The following MYT1L variants were observed in gnomAD, a reference collection of about 807,000 sequenced individuals.
MYT1L encodes the protein myelin transcription factor 1-like protein.
A neutral mutation model predicts 126.7 loss-of-function variants in MYT1L; 12 were observed. That is an observed-to-expected ratio of 0.09 (90% confidence interval 0.06 to 0.15). The LOEUF is 0.15. MYT1L is among the 10% of genes least tolerant of loss of function. MYT1L has a pLI of 1.00. For missense variants in MYT1L, 979 were observed against 1,585.2 expected (o/e 0.62, Z 6.49); for synonymous variants, 541 against 604.2 (o/e 0.90, Z 1.53).
At chr2:2,314,146 C>A (rs1261717561) in intron 1 of MYT1L, among the ~76,000 whole-genome samples, 9 of 152,124 alleles carry the variant, frequency 5.9e-5, no homozygotes, top group Admixed American at 5.9e-4. Flanking sequence ...AACCAATAAA[C>A]TTCTGGACTG....
intron 22 of MYT1L, among the ~76,000 whole-genome samples, chr2:1,805,439 G>A (rs1422387467): frequency 6.6e-6 from 1 of 152,202 alleles, no homozygotes; most frequent in Non-Finnish European, 1.5e-5. Flanking sequence ...CCCCAGGAAA[G>A]GCTTTACACT....
chr2:2,115,436 A>C (rs1335229882), intron 3 of MYT1L, among the ~76,000 whole-genome samples: 1 of 152,218 alleles, frequency 6.6e-6, no homozygotes, highest in Non-Finnish European at 1.5e-5. Context: ...CGTTTTTATA[A>C]ATCCATGAGA....
At chr2:2,140,970 A>C (rs2083894045) in intron 3 of MYT1L, among the ~76,000 whole-genome samples, 1 of 152,216 alleles carries the variant, frequency 6.6e-6, no homozygotes, top group Admixed American at 6.5e-5. Flanking sequence ...AAAACTATAT[A>C]ATCATAGAAA....
At chr2:2,270,997 G>A (rs2095252670) in intron 2 of MYT1L, among the ~76,000 whole-genome samples, 1 of 152,214 alleles carries the variant, frequency 6.6e-6, no homozygotes, top group African/African-American at 2.4e-5. Context: ...GTGGTTGCGT[G>A]TTCTTCGCTT....
At chr2:2,313,689 G>T (rs2096014227) in intron 1 of MYT1L, among the ~76,000 whole-genome samples, 1 of 151,834 alleles carries the variant, frequency 6.6e-6, no homozygotes, top group South Asian at 2.1e-4. Context: ...ATACTGTCTT[G>T]GTCTTCTCCT....
chr2:1,841,162 C>CTTTTTTTT, intron 19 of MYT1L: 1 of 86,126 alleles, frequency 1.2e-5, no homozygotes, highest in South Asian at 3.3e-4. Context: ...ACCTCGGCCT[C>CTTTTTTTT]TTTTTTTTTT....
At chr2:1,845,762 G>A (rs1407899675) in intron 19 of MYT1L, among the ~76,000 whole-genome samples, 1 of 152,138 alleles carries the variant, frequency 6.6e-6, no homozygotes, top group East Asian at 1.9e-4. Flanking sequence ...GAATTCAACG[G>A]GACTCCTAAA....
At chr2:2,172,388 A>G (rs1158495200) in intron 3 of MYT1L, among the ~76,000 whole-genome samples, 1 of 152,226 alleles carries the variant, frequency 6.6e-6, no homozygotes, top group African/African-American at 2.4e-5. Flanking sequence ...GGAGGCTCAC[A>G]TCATTCCTGC....
intron 4 of MYT1L, among the ~76,000 whole-genome samples, chr2:2,012,439 T>C (rs1338030250): frequency 6.6e-6 from 1 of 152,156 alleles, no homozygotes; most frequent in African/African-American, 2.4e-5. Context: ...GAAGGTAGAT[T>C]AGTGGCCACT....
intron 4 of MYT1L, among the ~76,000 whole-genome samples, chr2:2,004,270 CA>C: frequency 1.4e-5 from 2 of 147,526 alleles, no homozygotes; most frequent in African/African-American, 5.1e-5. Context: ...TTCTTTCCTG[CA>C]GGCGTTCTTT....
chr2:1,983,609 T>C (rs1380680495), intron 5 of MYT1L, among the ~76,000 whole-genome samples: 1 of 152,254 alleles, frequency 6.6e-6, no homozygotes, highest in Admixed American at 6.5e-5. Flanking sequence ...CATCCTGCCC[T>C]GCCCTTCTCT....
Position 2,244,638 on chromosome 2 carries a change from C to G in MYT1L, c.-421+39766G>C, listed in dbSNP as rs540986589. 2.6e-5 allele frequency among the ~76,000 whole-genome samples: 4 copies of G among 152,332 alleles called. No homozygotes were observed. In the East Asian group the frequency reaches 7.7e-4, roughly 29 times the overall value. ...AACTATCGGAAATGAGAGGCCTGCT[C>G]AAACTGCAGGCTCCAGGAACAGAGC... is the stretch of plus-strand genomic sequence containing the variant. On this transcript the variant is annotated intron_variant, in intron 2 of 24. Coordinates refer to ENST00000647738, the MANE Select transcript of MYT1L (RefSeq NM_001303052.2).
chr2:1,882,908 A>G (rs1321317907), intron 18 of MYT1L, among the ~76,000 whole-genome samples: 2 of 152,242 alleles, frequency 1.3e-5, no homozygotes, highest in African/African-American at 4.8e-5. Context: ...TTTATGATGT[A>G]TTTTAAAATG....
intron 4 of MYT1L, among the ~76,000 whole-genome samples, chr2:2,037,631 C>T (rs527356120): frequency 2.8e-4 from 43 of 151,916 alleles, no homozygotes; most frequent in Admixed American, 2.8e-3. Flanking sequence ...TGGTGCATGC[C>T]TGTAATCTCA....
intron 1 of MYT1L, among the ~76,000 whole-genome samples, chr2:2,297,011 G>A (rs774646618): frequency 6.6e-6 from 1 of 151,966 alleles, no homozygotes; most frequent in Non-Finnish European, 1.5e-5. Flanking sequence ...AGGACCTTTC[G>A]GGGCCAATTG....
chr2:2,151,673 A>G (rs2085813907), intron 3 of MYT1L, among the ~76,000 whole-genome samples: 1 of 152,216 alleles, frequency 6.6e-6, no homozygotes, highest in Admixed American at 6.5e-5. Context: ...TTTCCTATAT[A>G]TACATACCTA....
intron 21 of MYT1L, among the ~76,000 whole-genome samples, chr2:1,836,509 A>AT (rs2040909623): frequency 7.1e-6 from 1 of 141,468 alleles, no homozygotes. Context: ...ATCAGCCTGC[A>AT]CCCAATATTC....
At chr2:2,312,452 A>C (rs2095988838) in intron 1 of MYT1L, among the ~76,000 whole-genome samples, 1 of 152,080 alleles carries the variant, frequency 6.6e-6, no homozygotes, top group African/African-American at 2.4e-5. Flanking sequence ...CTCTATAAAA[A>C]AAATTCAAAA....
At chr2:2,029,749 C>A (rs1317189781) in intron 4 of MYT1L, among the ~76,000 whole-genome samples, 3 of 152,224 alleles carry the variant, frequency 2.0e-5, no homozygotes, top group East Asian at 3.9e-4. Context: ...TTCAATGTTA[C>A]CTTCAAAATT....
Sources: allele counts gnomAD v4.1 joint callset (sites outside exome capture counted in the v4.1 genomes callset), GRCh38; gene constraint gnomAD v4.1.1; transcripts MANE v1.5; gene names NCBI Gene and HGNC (gene_info 2026-07-23, HGNC 2026-07-21).